KNG1: variants seen among roughly 807,000 people sequenced by gnomAD.
The protein encoded by KNG1 is kininogen-1.
Under a neutral mutation model 47.8 loss-of-function variants are expected in KNG1, and 23 were observed. The observed-to-expected ratio is 0.48, with a 90% CI of 0.35 to 0.68. The LOEUF is 0.68. KNG1 is among the 30% of genes least tolerant of loss of function. KNG1 has a pLI of 0.01. For synonymous variants in KNG1, 277 were observed against 277.0 expected (o/e 1.00, Z 0.00); for missense variants, 762 against 790.2 (o/e 0.96, Z 0.43).
chr3:186,738,698 T>C (rs1720727223), intron 7 of KNG1: 1 of 213,804 alleles, frequency 4.7e-6, no homozygotes, highest in East Asian at 1.3e-4. Context: ...AATATAAAAT[T>C]AGCCAGGCGT....
At chr3:186,722,391 C>T in intron 2 of KNG1, 46 bp from the exon 3 acceptor site, 2 of 1,463,040 alleles carry the variant, frequency 1.4e-6, no homozygotes, top group African/African-American at 1.4e-5. Flanking sequence ...GGTAGACTTT[C>T]CCATCTGAAA....
chr3:186,718,734 T>C (rs1720100769), intron 1 of KNG1, among the ~76,000 whole-genome samples: 1 of 152,042 alleles, frequency 6.6e-6, no homozygotes, highest in Admixed American at 6.5e-5. Flanking sequence ...GGGTACTTCA[T>C]GGGGCATGTC....
At chr3:186,730,448 G>A (rs1033041837) in intron 5 of KNG1, among the ~76,000 whole-genome samples, 61 of 151,614 alleles carry the variant, frequency 4.0e-4, no homozygotes, top group African/African-American at 1.5e-3. Context: ...GAGATCAGGA[G>A]TTCGAGATCA....
chr3:186,721,937 G>A (rs1053429454), intron 2 of KNG1: 1 of 167,948 alleles, frequency 6.0e-6, no homozygotes, highest in African/African-American at 2.4e-5. Context: ...CCAACGTAGT[G>A]AAACCCTGTC....
intron 3 of KNG1, among the ~76,000 whole-genome samples, chr3:186,722,757 T>C (rs905210132): frequency 2.1e-4 from 32 of 152,306 alleles, no homozygotes; most frequent in African/African-American, 7.7e-4. Flanking sequence ...ACCCAGTGTG[T>C]GCAAGGGCTC....
Position 186,717,581 on chromosome 3 carries a change from G to C in KNG1, c.39G>C (p.Leu13=). 5 of 1,611,532 alleles carry C rather than the reference G, an allele frequency of 3.1e-6. No homozygotes were observed. Among genetic ancestry groups the C allele is most frequent in the Non-Finnish European group, 4.2e-6 (5 of 1,178,540 alleles). Residue 13 remains leucine (L), a synonymous_variant, in exon 1 of 10, where the codon CTG becomes CTC. Transcript: ENST00000644859. The part of the protein sequence containing the change: ...LITILFLCSR[L]LLSLTQESQS... ...CCATCCTTTTCCTCTGCTCCAGGCTGCTACTAAGTTTAACCCAGGAATCAC... is the reference window on the plus strand; with the variant it reads ...CCATCCTTTTCCTCTGCTCCAGGCTCCTACTAAGTTTAACCCAGGAATCAC...
intron 5 of KNG1, among the ~76,000 whole-genome samples, chr3:186,729,993 C>A (rs535126869): frequency 3.9e-5 from 6 of 152,256 alleles, no homozygotes; most frequent in African/African-American, 1.4e-4. Context: ...CCCCTCACTT[C>A]TGGAGACCTA....
chr3:186,732,227 CA>C (rs1163209409), intron 6 of KNG1, among the ~76,000 whole-genome samples: 11 of 152,160 alleles, frequency 7.2e-5, no homozygotes, highest in Admixed American at 7.2e-4. Flanking sequence ...CAGTTTCCAT[CA>C]AAAATGCAAA....
At position 186,744,072 on chromosome 3, in the gene KNG1, C is replaced by T; in HGVS notation, c.*1741C>T. The stretch of plus-strand genomic sequence containing the variant: ...ACCCAACACTGGAACATTCCCTAGC[C>T]AAGGCAGAAGTCCTTAGGCGGGACT... On this transcript the variant is annotated 3_prime_UTR_variant, in exon 10 of 10. Transcript: ENST00000644859. The T allele has an allele frequency of 2.1e-6, 1 of 466,330 alleles. No individual in the cohort carries two copies. The highest frequency in any genetic ancestry group is 3.9e-5 in the East Asian group (1 of 25,328). The allele number at this position is 466,330 out of a possible 1,614,324, so 28.9% of individuals were successfully genotyped here.
chr3:186,720,035 C>T (rs540123493), intron 1 of KNG1, 70 bp from the exon 2 acceptor site: 64 of 929,270 alleles, frequency 6.9e-5, no homozygotes, highest in East Asian at 1.4e-4. Flanking sequence ...CTAACTTTAC[C>T]GGAACCCACT....
intron 4 of KNG1, among the ~76,000 whole-genome samples, chr3:186,727,018 G>GTA (rs1553791729): frequency 2.1e-5 from 2 of 93,686 alleles, no homozygotes; most frequent in Middle Eastern, 6.8e-3. Context: ...GGCTAGCGGT[G>GTA]TATGTGTGTG....
In KNG1 at chr3:186,732,374, C is replaced by T. The variant is rs927704371; in HGVS notation, c.758-128C>T. 1.1e-5 allele frequency: 9 copies of T among 802,498 alleles called. No individual in the cohort carries two copies. The Admixed American group carries it at 1.4e-4, about 12-fold the overall frequency. 49.7% of individuals were successfully genotyped at this position (802,498 alleles called of 1,614,324 possible). ...GAAAGTCAGACAGACAACCTTCCCCCACTCACTACTGGGCCTGGGCTCCCA... is the reference window on the plus strand; with the variant it reads ...GAAAGTCAGACAGACAACCTTCCCCTACTCACTACTGGGCCTGGGCTCCCA... On this transcript the variant is annotated intron_variant, in intron 6 of 9. Transcript: ENST00000644859.
At chr3:186,735,587 C>T (rs1261855003) in intron 7 of KNG1, among the ~76,000 whole-genome samples, 1 of 151,740 alleles carries the variant, frequency 6.6e-6, no homozygotes, top group Non-Finnish European at 1.5e-5. Context: ...CATTGCACTC[C>T]AGCCTGGGTG....
intron 2 of KNG1, chr3:186,721,431 GACAAA>G (rs935880479): frequency 1.4e-4 from 22 of 152,348 alleles, no homozygotes; most frequent in Admixed American, 1.2e-3. Context: ...AGAATGAAAA[GACAAA>G]ACAAAACAAA....
chr3:186,719,588 G>A (rs5029978), intron 1 of KNG1, among the ~76,000 whole-genome samples: 3,722 of 152,092 alleles, frequency 0.024, 146 homozygotes, highest in African/African-American at 0.086. Context: ...AAGTAGCCAG[G>A]CGTGGTGGAG....
intron 7 of KNG1, chr3:186,738,798 A>G: frequency 3.1e-6 from 1 of 323,522 alleles, no homozygotes; most frequent in Non-Finnish European, 5.9e-6. Context: ...GTGAGCCGAG[A>G]TCGTGCCACT....
At chr3:186,720,419 G>C in intron 2 of KNG1, 1 of 584,590 alleles carries the variant, frequency 1.7e-6, no homozygotes, top group Admixed American at 2.9e-5. Context: ...GTTAAACATG[G>C]AGAAAGCCTT....
chr3:186,741,942 C>T lies in KNG1; in HGVS notation c.1546C>T (p.His516Tyr). 1 of 1,614,172 alleles carries T rather than the reference C, an allele frequency of 6.2e-7. No homozygotes were observed. Among genetic ancestry groups the T allele is most frequent in the Non-Finnish European group, 8.5e-7 (1 of 1,180,030 alleles). The change falls in exon 10 of 10, where the codon CAC becomes TAC. Residue 516 changes from histidine (H) to tyrosine (Y), a missense_variant. His to Tyr is a moderately conservative substitution (Grantham distance 83). Coordinates refer to ENST00000644859, the MANE Select transcript of KNG1 (RefSeq NM_001102416.3). ...HKNKGKKNGK[H>Y]NGWKTEHLAS... Reference sequence around the variant, plus strand: ...AAATAAAGGCAAAAAGAATGGAAAGCACAATGGTTGGAAAACAGAGCATTT... The same window carrying T: ...AAATAAAGGCAAAAAGAATGGAAAGTACAATGGTTGGAAAACAGAGCATTT...
In KNG1 at chr3:186,741,683, T is replaced by A. The variant is rs1236058092; in HGVS notation, c.1287T>A (p.His429Gln). The A allele has an allele frequency of 6.2e-7, 1 of 1,614,152 alleles. No homozygotes were observed. The highest frequency in any genetic ancestry group is 1.1e-5 in the South Asian group (1 of 91,082). ...AAGAACAAGGGCATACTCGTAGACA[T>A]GACTGGGGCCATGAAAAACAAAGAA... ...SGKEQGHTRR[H>Q]DWGHEKQRKH... The change falls in exon 10 of 10, where the codon CAT becomes CAA. Residue 429 changes from histidine (H) to glutamine (Q), a missense_variant. Physicochemically the swap from His to Gln is conservative, Grantham distance 24. Coordinates refer to ENST00000644859, the MANE Select transcript of KNG1 (RefSeq NM_001102416.3).
Sources: allele counts gnomAD v4.1 joint callset (sites outside exome capture counted in the v4.1 genomes callset), GRCh38; gene constraint gnomAD v4.1.1; transcripts MANE v1.5; gene names NCBI Gene and HGNC (gene_info 2026-07-23, HGNC 2026-07-21).